SGCZ: variants seen among roughly 807,000 people sequenced by gnomAD.
SGCZ encodes the protein sarcoglycan zeta, also known as zeta-sarcoglycan.
A neutral mutation model predicts 41.3 loss-of-function variants in SGCZ; 40 were observed. The observed-to-expected ratio is 0.97, with a 90% CI of 0.75 to 1.26. The LOEUF (loss-of-function observed/expected upper bound fraction) is 1.26. SGCZ is among the 50% of genes most tolerant of loss of function. SGCZ has a pLI of 0.00. For missense variants in SGCZ, 552 were observed against 369.8 expected (o/e 1.49, Z -4.04); for synonymous variants, 206 against 137.5 (o/e 1.50, Z -3.49).
intron 7 of SGCZ, among the ~76,000 whole-genome samples, chr8:14,092,437 C>G (rs1801714020): frequency 1.3e-5 from 2 of 151,710 alleles, no homozygotes; most frequent in Admixed American, 1.3e-4. Flanking sequence ...TTTTTTAATA[C>G]TCATAAAAGT....
intron 1 of SGCZ, among the ~76,000 whole-genome samples, chr8:15,206,251 G>A (rs1466645418): frequency 1.3e-5 from 2 of 152,068 alleles, no homozygotes; most frequent in Admixed American, 6.5e-5. Flanking sequence ...GTCAGGGAAG[G>A]CTTTGCAGAA....
chr8:14,562,438 T>C lies in SGCZ; in HGVS notation c.40-7512A>G, dbSNP rs149616003. 5.8e-3 allele frequency among the ~76,000 whole-genome samples: 883 copies of C among 152,176 alleles called. 14 individuals carry two copies. Among genetic ancestry groups the C allele is most frequent in the African/African-American group, 0.02 (823 of 41,526 alleles). On this transcript the variant is annotated intron_variant, in intron 1 of 7. Transcript: ENST00000382080. The stretch of plus-strand genomic sequence containing the variant: ...AGTAACATGATCTGAAGATGATAAA[T>C]ACAATAAAAAAGAAATACATTATAT...
intron 1 of SGCZ, among the ~76,000 whole-genome samples, chr8:14,678,960 C>G (rs567066888): frequency 6.6e-6 from 1 of 152,150 alleles, no homozygotes; most frequent in Non-Finnish European, 1.5e-5. Context: ...ATTCCAAATA[C>G]AGCATACCAA....
chr8:15,168,359 A>G (rs1377425413), intron 1 of SGCZ, among the ~76,000 whole-genome samples: 1 of 152,208 alleles, frequency 6.6e-6, no homozygotes, highest in African/African-American at 2.4e-5. Context: ...TGTCCATGGC[A>G]TAAACGAGGT....
intron 1 of SGCZ, among the ~76,000 whole-genome samples, chr8:14,622,198 C>A (rs1806309185): frequency 6.6e-6 from 1 of 152,010 alleles, no homozygotes; most frequent in African/African-American, 2.4e-5. Flanking sequence ...GCACGGAAAC[C>A]TTGAGTATGT....
At chr8:15,183,864 T>A (rs1800251833) in intron 1 of SGCZ, among the ~76,000 whole-genome samples, 2 of 152,162 alleles carry the variant, frequency 1.3e-5, no homozygotes, top group African/African-American at 4.8e-5. Context: ...TTAACTTTAC[T>A]AGCTAGCATT....
intron 1 of SGCZ, among the ~76,000 whole-genome samples, chr8:14,702,106 C>G (rs1809156953): frequency 6.6e-6 from 1 of 151,918 alleles, no homozygotes; most frequent in South Asian, 2.1e-4. Context: ...TGACAATCCC[C>G]CGCCATTTTC....
chr8:14,399,804 T>C (rs558474734), intron 2 of SGCZ, among the ~76,000 whole-genome samples: 113 of 152,292 alleles, frequency 7.4e-4, no homozygotes, highest in African/African-American at 2.7e-3. Context: ...TAGCTGATAA[T>C]ATTAATCTAC....
chr8:14,831,020 T>C (rs993298497), intron 1 of SGCZ, among the ~76,000 whole-genome samples: 1 of 152,184 alleles, frequency 6.6e-6, no homozygotes, highest in African/African-American at 2.4e-5. Context: ...ATTTGACTCC[T>C]AAGTAATAAT....
At chr8:14,810,107 G>T (rs1353556515) in intron 1 of SGCZ, among the ~76,000 whole-genome samples, 2 of 151,978 alleles carry the variant, frequency 1.3e-5, no homozygotes, top group African/African-American at 4.8e-5. Flanking sequence ...AGGTAAGGAA[G>T]TAATGGCAAA....
chr8:14,248,184 C>G (rs754022692), intron 3 of SGCZ, among the ~76,000 whole-genome samples: 37 of 152,248 alleles, frequency 2.4e-4, no homozygotes, highest in Non-Finnish European at 4.6e-4. Flanking sequence ...AAGCACTGTA[C>G]AAACATTTTT....
intron 1 of SGCZ, among the ~76,000 whole-genome samples, chr8:14,694,250 T>C (rs1808889249): frequency 6.6e-6 from 1 of 152,204 alleles, no homozygotes; most frequent in Non-Finnish European, 1.5e-5. Flanking sequence ...TCTATTTACC[T>C]GAACCTTATT....
At chr8:15,023,671 C>G (rs992990412) in intron 1 of SGCZ, among the ~76,000 whole-genome samples, 1 of 152,080 alleles carries the variant, frequency 6.6e-6, no homozygotes, top group South Asian at 2.1e-4. Flanking sequence ...ATGCAAGAGA[C>G]CGGAAATTAT....
chr8:15,004,628 C>A (rs545063820), intron 1 of SGCZ, among the ~76,000 whole-genome samples: 1 of 152,320 alleles, frequency 6.6e-6, no homozygotes, highest in South Asian at 2.1e-4. Context: ...TATATAAACT[C>A]TCTGCTCTCC....
chr8:14,125,955 T>A (rs1057079592), intron 5 of SGCZ, among the ~76,000 whole-genome samples: 1 of 152,154 alleles, frequency 6.6e-6, no homozygotes, highest in East Asian at 1.9e-4. Flanking sequence ...GATTTGTTCG[T>A]CACACATTAC....
At chr8:15,233,443 A>G (rs958654383) in intron 1 of SGCZ, among the ~76,000 whole-genome samples, 4 of 151,826 alleles carry the variant, frequency 2.6e-5, no homozygotes, top group Admixed American at 2.6e-4. Context: ...AGACCTCAGC[A>G]TTTTTTAATC....
At chr8:14,707,716 G>T (rs1306706316) in intron 1 of SGCZ, among the ~76,000 whole-genome samples, 1 of 152,060 alleles carries the variant, frequency 6.6e-6, no homozygotes, top group Non-Finnish European at 1.5e-5. Flanking sequence ...AAATAAAAAT[G>T]AACAATTGTT....
At chr8:15,208,808 G>T (rs1801150877) in intron 1 of SGCZ, among the ~76,000 whole-genome samples, 1 of 149,806 alleles carries the variant, frequency 6.7e-6, no homozygotes, top group South Asian at 2.1e-4. Context: ...ATATATACAG[G>T]GATACATATA....
At chr8:14,550,199 G>T (rs1444999327) in intron 2 of SGCZ, among the ~76,000 whole-genome samples, 1 of 151,842 alleles carries the variant, frequency 6.6e-6, no homozygotes, top group Admixed American at 6.6e-5. Flanking sequence ...TTCATTCAGT[G>T]AAATGTATAG....
Sources: allele counts gnomAD v4.1 joint callset (sites outside exome capture counted in the v4.1 genomes callset), GRCh38; gene constraint gnomAD v4.1.1; transcripts MANE v1.5; gene names NCBI Gene and HGNC (gene_info 2026-07-23, HGNC 2026-07-21).